The following RICTOR variants were observed in gnomAD, a reference collection of about 807,000 sequenced individuals.
The protein encoded by RICTOR is rapamycin-insensitive companion of mTOR.
RICTOR carries 49 observed loss-of-function variants against 214.9 expected under a neutral mutation model. The ratio of observed to expected loss-of-function variants is 0.23; its 90% CI spans 0.18 to 0.29. The LOEUF (loss-of-function observed/expected upper bound fraction) is 0.29. Ranked by LOEUF, RICTOR falls within the 10% of genes least tolerant of loss-of-function variation. The probability of loss-of-function intolerance (pLI) is 1.00; values close to 1 mark genes in which losing one functional copy is unlikely to be tolerated. For synonymous variants in RICTOR, 717 were observed against 711.3 expected (o/e 1.01, Z -0.13); for missense variants, 1,625 against 2,047.0 (o/e 0.79, Z 3.98).
At position 39,003,418 on chromosome 5, in the gene RICTOR, G is replaced by C. The variant is rs560564397; in HGVS notation, c.260+140C>G. On this transcript the variant is annotated intron_variant, in intron 4 of 37. Transcript: ENST00000357387. Reference sequence around the variant, plus strand: ...AAAAACAAAACTACTGTAGCTCTTAGATTTTTTCTAATGTTCAAGCAACTA... The same window carrying C: ...AAAAACAAAACTACTGTAGCTCTTACATTTTTTCTAATGTTCAAGCAACTA... 5.3e-5 allele frequency: 28 copies of C among 532,180 alleles called. No homozygotes were observed. The East Asian group carries it at 9.1e-4, about 17-fold the overall frequency. 33.0% of individuals were successfully genotyped at this position (532,180 alleles called of 1,614,324 possible). A position where few individuals can be genotyped will look rare whatever the true frequency, so the allele number is the denominator to read the frequency against.
intron 2 of RICTOR, among the ~76,000 whole-genome samples, chr5:39,054,757 T>A (rs955351275): frequency 2.0e-5 from 3 of 152,240 alleles, no homozygotes; most frequent in Non-Finnish European, 4.4e-5. Context: ...ATACTCTATG[T>A]TATATACTCA....
At chr5:39,047,071 A>T (rs948481244) in intron 2 of RICTOR, among the ~76,000 whole-genome samples, 11 of 152,216 alleles carry the variant, frequency 7.2e-5, no homozygotes, top group Admixed American at 2.6e-4. Flanking sequence ...TTAAAAAAAA[A>T]CTTAAAAAAA....
chr5:38,989,472 C>A (rs921629217), intron 7 of RICTOR, among the ~76,000 whole-genome samples: 1 of 152,022 alleles, frequency 6.6e-6, no homozygotes, highest in Non-Finnish European at 1.5e-5. Flanking sequence ...AACACCAAAA[C>A]CAATGGCAAC....
At chr5:38,949,666 T>A in intron 31 of RICTOR, 46 bp downstream of exon 31, 2 of 1,515,822 alleles carry the variant, frequency 1.3e-6, no homozygotes, top group South Asian at 1.2e-5. Flanking sequence ...TTAAATTTGT[T>A]AAAATGCAAC....
At chr5:39,017,545 T>TA (rs534243159) in intron 3 of RICTOR, among the ~76,000 whole-genome samples, 77 of 146,768 alleles carry the variant, frequency 5.2e-4, no homozygotes, top group Admixed American at 5.4e-4. Context: ...AGCTGTTTTT[T>TA]AAAAAAAAAA....
chr5:39,056,746 T>G (rs1758233464), intron 2 of RICTOR, among the ~76,000 whole-genome samples: 1 of 151,982 alleles, frequency 6.6e-6, no homozygotes, highest in Non-Finnish European at 1.5e-5. Flanking sequence ...AGGTGACATT[T>G]GAACAGAGTT....
intron 5 of RICTOR, among the ~76,000 whole-genome samples, chr5:39,000,072 C>G (rs1410028573): frequency 6.6e-6 from 1 of 151,782 alleles, no homozygotes; most frequent in Non-Finnish European, 1.5e-5. Flanking sequence ...GAAGATTTAG[C>G]AGTTCTAAAC....
At chr5:38,971,854 C>G in intron 11 of RICTOR, 23 bp downstream of exon 11, 1 of 956,102 alleles carries the variant, frequency 1.0e-6, no homozygotes, top group Non-Finnish European at 1.7e-6. Flanking sequence ...AGGAATGAAA[C>G]AATCCTAATA....
At chr5:39,036,450 A>G (rs569368544) in intron 2 of RICTOR, among the ~76,000 whole-genome samples, 10 of 152,362 alleles carry the variant, frequency 6.6e-5, no homozygotes, top group African/African-American at 2.2e-4. Context: ...TGACAGTATC[A>G]AATTCACACA....
chr5:39,050,735 C>T (rs967767444), intron 2 of RICTOR, among the ~76,000 whole-genome samples: 1 of 152,016 alleles, frequency 6.6e-6, no homozygotes, highest in African/African-American at 2.4e-5. Context: ...TGATGATCTG[C>T]AATGAAATAA....
intron 3 of RICTOR, among the ~76,000 whole-genome samples, chr5:39,020,832 A>T (rs1162628918): frequency 1.3e-5 from 2 of 152,222 alleles, no homozygotes; most frequent in African/African-American, 4.8e-5. Flanking sequence ...TGAACCTACC[A>T]AATTTTCTGT....
At chr5:39,041,085 C>A (rs1352581790) in intron 2 of RICTOR, among the ~76,000 whole-genome samples, 1 of 152,200 alleles carries the variant, frequency 6.6e-6, no homozygotes, top group Non-Finnish European at 1.5e-5. Context: ...ATGCCAGGCA[C>A]ATGGTGGGTT....
intron 2 of RICTOR, among the ~76,000 whole-genome samples, chr5:39,063,035 T>G (rs1758662906): frequency 6.6e-6 from 1 of 152,188 alleles, no homozygotes; most frequent in African/African-American, 2.4e-5. Context: ...CCCATTTATA[T>G]TCTATTTCCA....
intron 3 of RICTOR, among the ~76,000 whole-genome samples, chr5:39,014,014 C>T (rs1754749637): frequency 6.6e-6 from 1 of 152,072 alleles, no homozygotes; most frequent in Non-Finnish European, 1.5e-5. Flanking sequence ...TATGTTTAGA[C>T]ACTTACCATT....
Position 38,945,637 on chromosome 5 carries a change from A to C in RICTOR, c.4487T>G (p.Ile1496Ser). Residue 1496 changes from isoleucine (I) to serine (S), a missense_variant, in exon 34 of 38, where the codon ATC becomes AGC. Physicochemically the swap from Ile to Ser is moderately radical, Grantham distance 142. This residue lies in a region of RICTOR where 1,214 missense variants were observed against 1,470.5 expected (regional missense o/e 0.83). Transcript: ENST00000357387. ...TAAAAACAGAGAGGCATCTGAATGG[A>C]TTGAATTCATTATTTCCGTAAGACT... Reference protein sequence around the residue: ...QMSLTEIMNSIHSDASLFLES... With the variant: ...QMSLTEIMNSSHSDASLFLES... 1 of 1,613,944 alleles carries C rather than the reference A, an allele frequency of 6.2e-7. No homozygotes were observed. Among genetic ancestry groups the C allele is most frequent in the East Asian group, 2.2e-5 (1 of 44,880 alleles).
chr5:38,982,803 T>G (rs1751829257), intron 7 of RICTOR, among the ~76,000 whole-genome samples: 2 of 11,164 alleles, frequency 1.8e-4, no homozygotes, highest in Admixed American at 2.3e-3. Context: ...TATATACACA[T>G]ACATATATAT....
chr5:39,056,929 G>A, intron 2 of RICTOR, among the ~76,000 whole-genome samples: 2 of 152,274 alleles, frequency 1.3e-5, no homozygotes, highest in Middle Eastern at 6.8e-3. Context: ...TGGTAGTAGA[G>A]GTAGCCAGGG....
chr5:39,031,794 T>C (rs900227199), intron 2 of RICTOR, among the ~76,000 whole-genome samples: 1 of 152,166 alleles, frequency 6.6e-6, no homozygotes. Context: ...AAATCTGATA[T>C]GGAATTATGT....
chr5:39,001,475 G>A lies in RICTOR; in HGVS notation c.392+1060C>T, dbSNP rs541613044. 6.0e-4 allele frequency among the ~76,000 whole-genome samples: 91 copies of A among 152,046 alleles called. 1 individual carries two copies. The highest frequency in any genetic ancestry group is 6.0e-4 in the Non-Finnish European group (41 of 67,894). On this transcript the variant is annotated intron_variant, in intron 5 of 37. Coordinates refer to ENST00000357387, the MANE Select transcript of RICTOR (RefSeq NM_152756.5). ...TAAGATGGTTCAAAGACTTAAACAC[G>A]TATAAAGGAATAAAACCTTTAAAAG...
Sources: gnomAD v4.1 joint callset for allele counts (sites outside exome capture counted in the v4.1 genomes callset) on GRCh38, gnomAD v4.1.1 for gene constraint, gnomAD v4.1.1 regional missense constraint, MANE v1.5 for transcripts, NCBI Gene and HGNC (gene_info 2026-07-23, HGNC 2026-07-21) for gene names.